IL20RB: variants seen among roughly 807,000 people sequenced by gnomAD.
IL20RB encodes interleukin 20 receptor subunit beta.
Under a neutral mutation model 33.3 loss-of-function variants are expected in IL20RB, and 21 were observed. The observed-to-expected ratio is 0.63, with a 90% CI of 0.45 to 0.91. The LOEUF (loss-of-function observed/expected upper bound fraction) is 0.91, where lower values mean the gene tolerates loss of function less well. IL20RB is among the 40% of genes least tolerant of loss of function. The probability of loss-of-function intolerance (pLI) is 0.00; values close to 1 mark genes in which losing one functional copy is unlikely to be tolerated. For synonymous variants in IL20RB, 147 were observed against 146.8 expected (o/e 1.00, Z -0.01); for missense variants, 345 against 384.8 (o/e 0.90, Z 0.86).
intron 1 of IL20RB, among the ~76,000 whole-genome samples, chr3:136,972,214 A>G (rs1941503820): frequency 6.6e-6 from 1 of 152,046 alleles, no homozygotes; most frequent in Non-Finnish European, 1.5e-5. Flanking sequence ...AGTTTTTTGT[A>G]TATTCTGGAT....
At chr3:136,989,665 T>C in intron 4 of IL20RB, 100 bp downstream of exon 4, 1 of 1,360,740 alleles carries the variant, frequency 7.3e-7, no homozygotes, top group Non-Finnish European at 1.0e-6. Flanking sequence ...CTGGGTGACC[T>C]GGGGATGAGC....
intron 6 of IL20RB, among the ~76,000 whole-genome samples, chr3:137,004,330 A>G (rs990966444): frequency 3.3e-5 from 5 of 152,190 alleles, no homozygotes; most frequent in Non-Finnish European, 7.3e-5. Context: ...GAATAGTTTC[A>G]GAAGGAATGG....
intron 2 of IL20RB, 64 bp downstream of exon 2, chr3:136,980,656 C>G: frequency 1.1e-5 from 17 of 1,590,900 alleles, no homozygotes; most frequent in Non-Finnish European, 1.5e-5. Context: ...AGGCATAGCC[C>G]TTCCTCCTGA....
In IL20RB at chr3:136,995,481, G is replaced by C. The variant is rs1156354612; in HGVS notation, c.750G>C (p.Val250=). ...FVGFMLILVV[V]PLFVWKMGRL... is the part of the protein sequence containing the mutation. ...GCTTCATGCTGATCCTTGTGGTCGT[G>C]CCACTGTTCGTCTGGAAAATGGGCC... is the stretch of plus-strand genomic sequence containing the variant. The change falls in exon 6 of 7, where the codon GTG becomes GTC. Residue 250 remains valine, a synonymous_variant. Transcript: ENST00000329582. 4.3e-6 allele frequency: 7 copies of C among 1,614,008 alleles called. No homozygotes were observed. Among genetic ancestry groups the C allele is most frequent in the African/African-American group, 1.3e-5 (1 of 74,902 alleles).
intron 5 of IL20RB, among the ~76,000 whole-genome samples, chr3:136,993,528 C>T (rs890016224): frequency 1.3e-5 from 2 of 152,084 alleles, no homozygotes; most frequent in Non-Finnish European, 1.5e-5. Flanking sequence ...CCCATTAACT[C>T]GTCATTTACA....
intron 3 of IL20RB, among the ~76,000 whole-genome samples, chr3:136,986,144 C>T (rs1046123048): frequency 3.3e-5 from 5 of 151,952 alleles, no homozygotes; most frequent in East Asian, 3.9e-4. Context: ...ACCTGGGAGG[C>T]GGAGCTTGCA....
intron 4 of IL20RB, among the ~76,000 whole-genome samples, chr3:136,991,717 T>C (rs944096099): frequency 2.0e-5 from 3 of 152,212 alleles, no homozygotes; most frequent in Admixed American, 6.5e-5. Context: ...CAAGTGATTC[T>C]CCTGCCTCAG....
chr3:136,990,928 C>T (rs560527395), intron 4 of IL20RB, among the ~76,000 whole-genome samples: 10 of 152,218 alleles, frequency 6.6e-5, no homozygotes, highest in Admixed American at 1.3e-4. Flanking sequence ...CAGGAGGAAG[C>T]ATGCAGCTCC....
At chr3:136,980,444 A>C in intron 1 of IL20RB, 22 bp from the exon 2 acceptor site, 1 of 1,614,088 alleles carries the variant, frequency 6.2e-7, no homozygotes, top group Non-Finnish European at 8.5e-7. Context: ...CCTGTCAGCC[A>C]GGCTATCTGC....
chr3:136,979,618 A>T (rs1384965856), intron 1 of IL20RB, among the ~76,000 whole-genome samples: 1 of 150,306 alleles, frequency 6.7e-6, no homozygotes, highest in Non-Finnish European at 1.5e-5. Context: ...TCTACAAATC[A>T]TAGTCCCACT....
rs186446877 is a variant in IL20RB at position 137,002,643 on chromosome 3, G to A, written c.825+7087G>A. ...TTTTTTTTTTCTTGTAAATTTGTTTGAGTTCTTTGTAGAATCTGGATATTA... is the reference window on the plus strand; with the variant it reads ...TTTTTTTTTTCTTGTAAATTTGTTTAAGTTCTTTGTAGAATCTGGATATTA... On this transcript the variant is annotated intron_variant, in intron 6 of 6. Coordinates refer to ENST00000329582, the MANE Select transcript of IL20RB (RefSeq NM_144717.4). Among the ~76,000 whole-genome samples, 129 of 151,582 alleles carry A rather than the reference G, an allele frequency of 8.5e-4. 1 individual carries two copies. The highest frequency in any genetic ancestry group is 3.0e-3 in the African/African-American group (126 of 41,340).
chr3:137,006,253 T>C (rs1942347856), intron 6 of IL20RB, among the ~76,000 whole-genome samples: 1 of 152,130 alleles, frequency 6.6e-6, no homozygotes, highest in South Asian at 2.1e-4. Context: ...TTGGGGTTGC[T>C]CTTCTTGAGG....
intron 2 of IL20RB, 53 bp from the exon 3 acceptor site, chr3:136,982,107 T>C: frequency 7.4e-7 from 1 of 1,350,488 alleles, no homozygotes; most frequent in Non-Finnish European, 1.0e-6. Context: ...CAACCATAAC[T>C]GAGCCTGTGT....
chr3:136,985,309 A>G (rs1941872916), intron 3 of IL20RB, among the ~76,000 whole-genome samples: 1 of 150,798 alleles, frequency 6.6e-6, no homozygotes, highest in South Asian at 2.1e-4. Context: ...GCTCTCCTGA[A>G]AAGGATCCCT....
At chr3:136,980,216 T>C in intron 1 of IL20RB, 1 of 515,078 alleles carries the variant, frequency 1.9e-6, no homozygotes, top group Non-Finnish European at 3.5e-6. Flanking sequence ...AGAATTATAA[T>C]GGTGGTACCC....
intron 5 of IL20RB, among the ~76,000 whole-genome samples, chr3:136,994,798 T>G (rs1214963819): frequency 2.6e-5 from 4 of 152,176 alleles, no homozygotes; most frequent in African/African-American, 7.2e-5. Context: ...ATTCTGAGCA[T>G]AGATTCCTCT....
intron 1 of IL20RB, among the ~76,000 whole-genome samples, chr3:136,963,104 G>C (rs951709522): frequency 2.0e-5 from 3 of 152,042 alleles, no homozygotes; most frequent in African/African-American, 7.2e-5. Flanking sequence ...CATATCACTG[G>C]GCTAACATCA....
At chr3:136,963,545 G>C (rs1189006259) in intron 1 of IL20RB, among the ~76,000 whole-genome samples, 2 of 152,058 alleles carry the variant, frequency 1.3e-5, no homozygotes, top group Non-Finnish European at 2.9e-5. Flanking sequence ...AGCTAATAGT[G>C]TGCTTATTTG....
At chr3:136,960,627 C>T (rs1207726730) in intron 1 of IL20RB, among the ~76,000 whole-genome samples, 2 of 152,142 alleles carry the variant, frequency 1.3e-5, no homozygotes, top group African/African-American at 4.8e-5. Context: ...CACATGAATC[C>T]TGCAAGTTAG....
Sources: gnomAD v4.1 joint callset for allele counts (sites outside exome capture counted in the v4.1 genomes callset) on GRCh38, gnomAD v4.1.1 for gene constraint, MANE v1.5 for transcripts, NCBI Gene and HGNC (gene_info 2026-07-23, HGNC 2026-07-21) for gene names.